Variants in POSTN observed in about 807,000 individuals in gnomAD.
POSTN encodes osteoblast specific factor 2 (fasciclin I-like).
Under a neutral mutation model 104.5 loss-of-function variants are expected in POSTN, and 71 were observed. That is an observed-to-expected ratio of 0.68 (90% CI 0.56 to 0.83). The LOEUF (loss-of-function observed/expected upper bound fraction) is 0.83. Ranked by LOEUF, POSTN falls within the 40% of genes least tolerant of loss-of-function variation. The pLI is 0.00. For synonymous variants in POSTN, 355 were observed against 340.7 expected, an observed-to-expected ratio of 1.04 and a Z score of -0.46; for missense variants, 949 against 1,006.8, an observed-to-expected ratio of 0.94 and a Z score of 0.78.
At chr13:37,588,252 TA>T (rs778648981) in intron 4 of POSTN, among the ~76,000 whole-genome samples, 166 of 152,240 alleles carry the variant, frequency 1.1e-3, no homozygotes, top group Non-Finnish European at 1.8e-3. Context: ...ACAATCTTGA[TA>T]TAAATAATAA....
Position 37,584,790 on chromosome 13 carries a change from A to T in POSTN, c.1034T>A (p.Met345Lys). ...TGTCACAATATCCTTTTTGTTCACC[A>T]TTTTGATTCCATTTACTGTTATACT... is the stretch of plus-strand genomic sequence containing the variant. ...GDSITVNGIK[M>K]VNKKDIVTNN... Residue 345 changes from methionine (M) to lysine (K), a missense_variant, in exon 8 of 23, where the codon ATG becomes AAG. Physicochemically the swap from Met to Lys is moderately conservative, Grantham distance 95 (BLOSUM62 -1). Transcript: ENST00000379747. 1 of 1,613,868 alleles carries T rather than the reference A, an allele frequency of 6.2e-7. No individual in the cohort carries two copies. Among genetic ancestry groups the T allele is most frequent in the Non-Finnish European group, 8.5e-7 (1 of 1,179,876 alleles).
chr13:37,589,828 G>A (rs930168687), intron 4 of POSTN, among the ~76,000 whole-genome samples: 1 of 152,038 alleles, frequency 6.6e-6, no homozygotes, highest in African/African-American at 2.4e-5. Context: ...CGGAAATTGA[G>A]TAATAATTTA....
At chr13:37,581,808 AAAAGATATTC>A (rs757047021) in intron 10 of POSTN, among the ~76,000 whole-genome samples, 51 of 152,304 alleles carry the variant, frequency 3.3e-4, no homozygotes, top group Admixed American at 5.9e-4. Flanking sequence ...AAAGCCATTC[AAAAGATATTC>A]AGATGCTGAC....
At chr13:37,588,247 CTT>C (rs1950814155) in intron 4 of POSTN, among the ~76,000 whole-genome samples, 2 of 152,086 alleles carry the variant, frequency 1.3e-5, no homozygotes, top group Non-Finnish European at 1.5e-5. Context: ...AAGAGACAAT[CTT>C]GATATAAATA....
chr13:37,589,546 T>A (rs1408701644), intron 4 of POSTN, among the ~76,000 whole-genome samples: 2 of 152,022 alleles, frequency 1.3e-5, no homozygotes, highest in Non-Finnish European at 2.9e-5. Flanking sequence ...CCCCTTGCTG[T>A]GTCCATGTGT....
At position 37,581,805 on chromosome 13, in the gene POSTN, T is replaced by C. The variant is rs1427041265; in HGVS notation, c.1392+561A>G. On this transcript the variant is annotated intron_variant, in intron 10 of 22. Transcript: ENST00000379747. ...CAATAAAGGTTTATCTTGAAAGCCA[T>C]TCAAAAGATATTCAGATGCTGACTG... is the stretch of plus-strand genomic sequence containing the variant. Among the ~76,000 whole-genome samples the C allele has an allele frequency of 5.9e-5, 9 of 152,196 alleles. No homozygotes were observed. In the South Asian group the frequency reaches 1.9e-3, roughly 31 times the overall value.
At chr13:37,590,290 T>C in intron 4 of POSTN, 82 bp downstream of exon 4, 1 of 1,141,032 alleles carries the variant, frequency 8.8e-7, no homozygotes. Flanking sequence ...AAATTTCTAC[T>C]AATATCCAAG....
At chr13:37,568,181 G>A (rs1331484435) in intron 21 of POSTN, among the ~76,000 whole-genome samples, 2 of 151,934 alleles carry the variant, frequency 1.3e-5, no homozygotes, top group South Asian at 2.1e-4. Flanking sequence ...TGTACTCTTA[G>A]AATTCTGGGA....
At position 37,579,264 on chromosome 13, in the gene POSTN, T is replaced by C. The variant is rs747039372; in HGVS notation, c.1756A>G (p.Lys586Glu). 1 of 1,610,306 alleles carries C rather than the reference T, an allele frequency of 6.2e-7. No individual in the cohort carries two copies. Among genetic ancestry groups the C allele is most frequent in the East Asian group, 2.2e-5 (1 of 44,722 alleles). ...GFEPGVTNIL[K>E]TTQGSKIFLK... ...AAGATTTTGCTTCCTTGTGTGGTCTTTAAAATGTTAGTAACACCAGGTTCA... is the reference window on the plus strand; with the variant it reads ...AAGATTTTGCTTCCTTGTGTGGTCTCTAAAATGTTAGTAACACCAGGTTCA... Residue 586 changes from lysine to glutamate, a missense_variant, in exon 13 of 23, where the codon AAG becomes GAG. Lys to Glu is a moderately conservative substitution (Grantham distance 56). Coordinates refer to ENST00000379747, the MANE Select transcript of POSTN (RefSeq NM_006475.3).
chr13:37,568,282 G>A (rs1950172074), intron 21 of POSTN, among the ~76,000 whole-genome samples: 1 of 151,988 alleles, frequency 6.6e-6, no homozygotes, highest in Admixed American at 6.6e-5. Context: ...TCACTGACAA[G>A]TTTCTAAATA....
At chr13:37,569,559 C>A (rs879811732) in intron 20 of POSTN, 176 bp from the exon 21 acceptor site, 3 of 800,834 alleles carry the variant, frequency 3.7e-6, no homozygotes, top group Admixed American at 2.0e-5. Context: ...AGTTGTTGAA[C>A]AAAATACTGT....
intron 3 of POSTN, among the ~76,000 whole-genome samples, chr13:37,591,422 A>G (rs1593363344): frequency 6.6e-6 from 1 of 152,194 alleles, no homozygotes; most frequent in Non-Finnish European, 1.5e-5. Flanking sequence ...GTATTGTCTT[A>G]AATGCTCAGA....
chr13:37,587,863 A>T lies in POSTN; in HGVS notation c.565T>A (p.Tyr189Asn). 2 of 1,605,392 alleles carry T rather than the reference A, an allele frequency of 1.2e-6. No homozygotes were observed. Among genetic ancestry groups the T allele is most frequent in the Non-Finnish European group, 1.7e-6 (2 of 1,173,016 alleles). ...TTAATGAAAAGCCCCAAATTGTTAT[A>T]CATTGAAGGAATAATCATGCCATTT... ...LKNGMIIPSM[Y>N]NNLGLFINHY... Residue 189 changes from tyrosine to asparagine, a missense_variant, in exon 5 of 23, where the codon TAT (tyrosine) becomes AAT (asparagine). Coordinates refer to ENST00000379747, the MANE Select transcript of POSTN (RefSeq NM_006475.3).
chr13:37,563,279 G>T lies in POSTN; in HGVS notation c.*54C>A, dbSNP rs1949984331. 3 of 1,293,424 alleles carry T rather than the reference G, an allele frequency of 2.3e-6. No homozygotes were observed. Among genetic ancestry groups the T allele is most frequent in the Non-Finnish European group, 2.2e-6 (2 of 923,698 alleles). 80.1% of individuals were successfully genotyped at this position (1,293,424 alleles called of 1,614,324 possible). ...CAACTTGGCTCTCACAATTTTCTAA[G>T]GTCAGGTTATTGACTTAGGGTTGTA... On this transcript the variant is annotated 3_prime_UTR_variant, in exon 23 of 23. Transcript: ENST00000379747.
At chr13:37,575,132 G>GA (rs1169383699) in intron 16 of POSTN, among the ~76,000 whole-genome samples, 2 of 151,860 alleles carry the variant, frequency 1.3e-5, no homozygotes, top group Admixed American at 1.3e-4. Flanking sequence ...ACATAGAAAG[G>GA]AAAAAATGAA....
intron 16 of POSTN, among the ~76,000 whole-genome samples, chr13:37,576,766 C>G (rs1950422033): frequency 6.6e-6 from 1 of 152,010 alleles, no homozygotes; most frequent in South Asian, 2.1e-4. Context: ...ATCTTTAATA[C>G]AGTGCTGAGC....
chr13:37,597,038 G>A (rs958629320), intron 2 of POSTN, 146 bp downstream of exon 2: 7 of 505,130 alleles, frequency 1.4e-5, no homozygotes, highest in South Asian at 6.7e-5. Flanking sequence ...CTTTATTCAC[G>A]TATGTATTCC....
In POSTN at chr13:37,598,660, T is replaced by C. The variant is rs748064311; in HGVS notation, c.67A>G (p.Asn23Asp). 6.2e-7 allele frequency: 1 copy of C among 1,613,474 alleles called. No homozygotes were observed. Among genetic ancestry groups the C allele is most frequent in the African/African-American group, 1.3e-5 (1 of 74,906 alleles). Residue 23 changes from asparagine to aspartate, a missense_variant, in exon 1 of 23, where the codon AAT becomes GAT. By Grantham distance (23) the Asn-to-Asp change is conservative. Coordinates refer to ENST00000379747, the MANE Select transcript of POSTN (RefSeq NM_006475.3). ...LLIVNPINAN[N>D]HYDKILAHSR... is the part of the protein sequence containing the mutation. ...TGAGCCAAGATCTTGTCATAATGATTGTTGGCGTTTATAGGGTTAACAATA... is the reference window on the plus strand; with the variant it reads ...TGAGCCAAGATCTTGTCATAATGATCGTTGGCGTTTATAGGGTTAACAATA...
At chr13:37,580,022 C>G (rs752511675) in intron 11 of POSTN, 31 bp from the exon 12 acceptor site, 22 of 1,600,672 alleles carry the variant, frequency 1.4e-5, no homozygotes, top group Non-Finnish European at 1.8e-5. Context: ...TGTATTTTGT[C>G]AGATTTAGAT....
Sources: allele counts gnomAD v4.1 joint callset (sites outside exome capture counted in the v4.1 genomes callset), GRCh38; gene constraint gnomAD v4.1.1; transcripts MANE v1.5; gene names NCBI Gene and HGNC (gene_info 2026-07-23, HGNC 2026-07-21).